ADAMTS8: variants seen among roughly 807,000 people sequenced by gnomAD.
ADAMTS8 encodes A disintegrin and metalloproteinase with thrombospondin motifs 8.
In ADAMTS8, 50 loss-of-function variants were observed where a neutral mutation model predicts 64.4. The ratio of observed to expected loss-of-function variants is 0.78; its 90% CI spans 0.62 to 0.98. The LOEUF is 0.98. Among genes scored for constraint, ADAMTS8 ranks in the 50% least tolerant of loss-of-function variants. The pLI, the probability that ADAMTS8 is intolerant of heterozygous loss-of-function variation, is 0.00. For synonymous variants in ADAMTS8, 556 were observed against 533.6 expected, an observed-to-expected ratio of 1.04 and a Z score of -0.58; for missense variants, 1,192 against 1,208.2, an observed-to-expected ratio of 0.99 and a Z score of 0.20.
At chr11:130,414,867 C>A (rs1393350148) in intron 4 of ADAMTS8, 35 bp from the exon 5 acceptor site, 1 of 1,548,650 alleles carries the variant, frequency 6.5e-7, no homozygotes, top group South Asian at 1.2e-5. Context: ...TAAGAACATG[C>A]ACAGGGCTGC....
chr11:130,426,381 G>A (rs548465544), intron 1 of ADAMTS8, among the ~76,000 whole-genome samples: 46 of 152,368 alleles, frequency 3.0e-4, no homozygotes, highest in African/African-American at 9.6e-4. Flanking sequence ...GGGGCCCCCA[G>A]CAGTCGGGCA....
At chr11:130,406,219 T>G (rs1592127080) in intron 8 of ADAMTS8, 91 bp from the exon 9 acceptor site, 1 of 1,457,592 alleles carries the variant, frequency 6.9e-7, no homozygotes, top group Non-Finnish European at 9.1e-7. Flanking sequence ...GCACCCCAGG[T>G]GGCAGACACG....
Position 130,427,847 on chromosome 11 carries a change from G to C in ADAMTS8, c.440C>G (p.Pro147Arg), listed in dbSNP as rs1448669717. The change falls in exon 1 of 9, where the codon CCG becomes CGG. Residue 147 changes from proline to arginine, a missense_variant. Physicochemically the swap from Pro to Arg is moderately radical, Grantham distance 103. Transcript: ENST00000257359. ...PQGAGGSLAQ[P>R]HRLQRWGPAG... ...GGGACCCCAGCGCTGCAGGCGGTGC[G>C]GCTGAGCCAGGGAGCCCCCCGCGCC... is the stretch of plus-strand genomic sequence containing the variant. The C allele has an allele frequency of 2.6e-6, 4 of 1,540,308 alleles. No homozygotes were observed. Among genetic ancestry groups the C allele is most frequent in the Non-Finnish European group, 3.5e-6 (4 of 1,146,998 alleles).
Position 130,419,267 on chromosome 11 carries a change from A to T in ADAMTS8, c.746T>A (p.Val249Glu). The change falls in exon 2 of 9, where the codon GTG becomes GAG. Residue 249 changes from valine (V) to glutamate (E), a missense_variant. By Grantham distance (121) the Val-to-Glu change is moderately radical (BLOSUM62 -2). Transcript: ENST00000257359. ...GGGGTGCTTGTAGATTCGGGCTGCC[A>T]CAGACATTAACGTCAGGATGTGGTT... The part of the protein sequence containing the change: ...LQNHILTLMS[V>E]AARIYKHPSI... The T allele has an allele frequency of 6.2e-7, 1 of 1,613,990 alleles. No homozygotes were observed. Among genetic ancestry groups the T allele is most frequent in the Non-Finnish European group, 8.5e-7 (1 of 1,180,048 alleles).
At position 130,416,984 on chromosome 11, in the gene ADAMTS8, TCGATCA is replaced by T. The variant is rs764491135; in HGVS notation, c.1046_1051del (p.Val349_Ile350del). On this transcript the variant is annotated inframe_deletion, in exon 3 of 9. Coordinates refer to ENST00000257359, the MANE Select transcript of ADAMTS8 (RefSeq NM_007037.6). This position sits in a 1 kb window ranked among gnomAD's most constrained non-coding sequence, Gnocchi z 4.8. ...GTGGGCCGCCTGGAGCCCCTCATCCTCGATCACGGAGCAGCTTTTGTTGGGGTCACA... is the reference window on the plus strand; with the variant it reads ...GTGGGCCGCCTGGAGCCCCTCATCCTCGGAGCAGCTTTTGTTGGGGTCACA... 5 of 1,613,986 alleles carry T rather than the reference TCGATCA, an allele frequency of 3.1e-6. No homozygotes were observed. In the Admixed American group the frequency reaches 6.7e-5, roughly 22 times the overall value.
Position 130,427,692 on chromosome 11 carries a change from T to C in ADAMTS8, c.595A>G (p.Ser199Gly), listed in dbSNP as rs1315821287. 6.3e-7 allele frequency: 1 copy of C among 1,595,552 alleles called. No homozygotes were observed. The highest frequency in any genetic ancestry group is 8.5e-7 in the Non-Finnish European group (1 of 1,172,500). ...GCCCCCAGGGGCGGTGGCGGCTCGC[T>C]AGCGCCTTCTGCCTCCTCTTCTTGG... ...ESQEEEAEGA[S>G]EPPPPLGATS... Residue 199 changes from serine (S) to glycine (G), a missense_variant, in exon 1 of 9, where the codon AGC (serine) becomes GGC (glycine). Physicochemically the swap from Ser to Gly is moderately conservative, Grantham distance 56. This residue lies in a region of ADAMTS8 where 741 missense variants were observed against 710.6 expected (regional missense o/e 1.04). Coordinates refer to ENST00000257359, the MANE Select transcript of ADAMTS8 (RefSeq NM_007037.6).
Position 130,414,822 on chromosome 11 carries a change from G to T in ADAMTS8, c.1275C>A (p.Leu425=). The change falls in exon 5 of 9, where the codon CTC becomes CTA. Residue 425 remains leucine, a synonymous_variant. Transcript: ENST00000257359. The part of the protein sequence containing the change: ...ELLDGGHGDC[L]LDAPAAALPL... The stretch of plus-strand genomic sequence containing the variant: ...GCAGGGCCGCAGCAGGGGCATCCAG[G>T]AGACAGTCTCCTGGGAAAAGAGGAA... 1 of 1,606,800 alleles carries T rather than the reference G, an allele frequency of 6.2e-7. No individual in the cohort carries two copies.
rs748478604 is a variant in ADAMTS8, at chr11:130,408,475, G to C, written c.2088C>G (p.Leu696=). The stretch of plus-strand genomic sequence containing the variant: ...CTGGGGAGACTCACTTGGTGGGGGT[G>C]AGGGACCCGGAGACCTTCCTGCAGG... The part of the protein sequence containing the change: ...GNSCRKVSGS[L]TPTNYGYNDI... The change falls in exon 8 of 9, where the codon CTC becomes CTG. Residue 696 remains leucine, a synonymous_variant. Coordinates refer to ENST00000257359, the MANE Select transcript of ADAMTS8 (RefSeq NM_007037.6). 1.9e-6 allele frequency: 3 copies of C among 1,613,640 alleles called. No homozygotes were observed. In the East Asian group the frequency reaches 6.7e-5, roughly 36 times the overall value.
rs1325277739 is a variant in ADAMTS8, at chr11:130,416,884, T to C, written c.1096+56A>G. 2 of 1,611,238 alleles carry C rather than the reference T, an allele frequency of 1.2e-6. No homozygotes were observed. The highest frequency in any genetic ancestry group is 2.2e-5 in the East Asian group (1 of 44,840). On this transcript the variant is annotated intron_variant, in intron 3 of 8. Transcript: ENST00000257359. The surrounding 1 kb of genome is among the most constrained non-coding windows in gnomAD (Gnocchi z 4.8). ...CTTAGGATCTACGCAACCTTGGATC[T>C]GGAAGAGCAGTTCCCTCCGATGTGG...
chr11:130,419,907 T>C (rs1862078568), intron 1 of ADAMTS8, among the ~76,000 whole-genome samples: 1 of 152,196 alleles, frequency 6.6e-6, no homozygotes, highest in African/African-American at 2.4e-5. Flanking sequence ...TTGTTAACAC[T>C]GAAAACTTTG....
chr11:130,421,928 A>G (rs1427958169), intron 1 of ADAMTS8, among the ~76,000 whole-genome samples: 1 of 152,214 alleles, frequency 6.6e-6, no homozygotes, highest in African/African-American at 2.4e-5. Flanking sequence ...AAGAATGTGA[A>G]CGGGGTCCTG....
chr11:130,428,416 T>G lies in ADAMTS8; in HGVS notation c.-130A>C. 5 of 1,081,418 alleles carry G rather than the reference T, an allele frequency of 4.6e-6. No individual in the cohort carries two copies. Among genetic ancestry groups the G allele is most frequent in the Non-Finnish European group, 5.6e-6 (5 of 891,532 alleles). The allele number at this position is 1,081,418 out of a possible 1,614,324, so 67.0% of individuals were successfully genotyped here. The stretch of plus-strand genomic sequence containing the variant: ...GGAATCAATCGGGTGCAAGGCCGAC[T>G]CGGCCCGCGGGGCCCGGCGGCGGGA... On this transcript the variant is annotated 5_prime_UTR_variant, in exon 1 of 9. Transcript: ENST00000257359.
chr11:130,419,068 G>C lies in ADAMTS8; in HGVS notation c.945C>G (p.Ile315Met), dbSNP rs1464266609. The C allele has an allele frequency of 6.2e-7, 1 of 1,614,160 alleles. No individual in the cohort carries two copies. Among genetic ancestry groups the C allele is most frequent in the South Asian group, 1.1e-5 (1 of 91,082 alleles). ...DRHPEHYDTA[I>M]LLTRQNFCGQ... ...AGGCACGGACCTGTCTGGTGAGCAG[G>C]ATGGCCGTGTCGTAGTGCTCTGGGT... Residue 315 changes from isoleucine (I) to methionine (M), a missense_variant, in exon 2 of 9, where the codon ATC (isoleucine) becomes ATG (methionine). This residue lies in a region of ADAMTS8 where 741 missense variants were observed against 710.6 expected (regional missense o/e 1.04). Transcript: ENST00000257359.
chr11:130,409,678 C>T (rs1034672802), intron 6 of ADAMTS8, among the ~76,000 whole-genome samples: 1 of 152,248 alleles, frequency 6.6e-6, no homozygotes, highest in African/African-American at 2.4e-5. Flanking sequence ...CCCAGGCCTG[C>T]TGGCTTCATG....
In ADAMTS8 at chr11:130,413,766, C is replaced by G. The variant is rs74671535; in HGVS notation, c.1566+765G>C. ...CCACAACTGCTCTCATTCTCCCAAC[C>G]TGTAATTATGCATTCAGTTCAAGCA... is the stretch of plus-strand genomic sequence containing the variant. On this transcript the variant is annotated intron_variant, in intron 5 of 8. Transcript: ENST00000257359. 3.3e-3 allele frequency among the ~76,000 whole-genome samples: 502 copies of G among 152,306 alleles called. 5 individuals carry two copies. Among genetic ancestry groups the G allele is most frequent in the African/African-American group, 0.011 (475 of 41,580 alleles).
At position 130,414,772 on chromosome 11, in the gene ADAMTS8, C is replaced by T. The variant is rs776541266; in HGVS notation, c.1325G>A (p.Arg442His). ...CTGGTCCAGCTGGTACAGGGCCATG[C>T]GGCCCGGGAGGCCTGTGGGGAGGGG... is the stretch of plus-strand genomic sequence containing the variant. Reference protein sequence around the residue: ...ALPLPTGLPGRMALYQLDQQC... With the variant: ...ALPLPTGLPGHMALYQLDQQC... The change falls in exon 5 of 9, where the codon CGC becomes CAC. Residue 442 changes from arginine to histidine, a missense_variant. By Grantham distance (29) the Arg-to-His change is conservative. Around this residue, in one of 5 missense-constraint regions of ADAMTS8, gnomAD observed 741 missense variants for 710.6 expected, o/e 1.04. Coordinates refer to ENST00000257359, the MANE Select transcript of ADAMTS8 (RefSeq NM_007037.6). The T allele has an allele frequency of 1.2e-5, 19 of 1,613,130 alleles. No individual in the cohort carries two copies. The highest frequency in any genetic ancestry group is 3.3e-5 in the Admixed American group (2 of 60,002).
chr11:130,420,740 C>T (rs568726907), intron 1 of ADAMTS8, among the ~76,000 whole-genome samples: 15 of 152,196 alleles, frequency 9.9e-5, no homozygotes, highest in Middle Eastern at 3.4e-3. Context: ...GGTTACTTGG[C>T]GTGTCAAGCA....
Position 130,411,026 on chromosome 11 carries a change from G to T in ADAMTS8, c.1750+391C>A, listed in dbSNP as rs925002164. 6.6e-6 allele frequency among the ~76,000 whole-genome samples: 1 copy of T among 152,134 alleles called. No individual in the cohort carries two copies. Among genetic ancestry groups the T allele is most frequent in the Admixed American group, 6.5e-5 (1 of 15,276 alleles). On this transcript the variant is annotated intron_variant, in intron 6 of 8. Coordinates refer to ENST00000257359, the MANE Select transcript of ADAMTS8 (RefSeq NM_007037.6). This position sits in a 1 kb window ranked among gnomAD's most constrained non-coding sequence, Gnocchi z 4.2. The stretch of plus-strand genomic sequence containing the variant: ...TGCTTCCATTCTGCACACAGATGAG[G>T]GTTCCTATGCCTCCAGGAGGATTAG...
rs1261519468 is a variant in ADAMTS8 at position 130,405,834 on chromosome 11, GA to G, written c.2393del (p.Phe798SerfsTer60). On this transcript the variant is annotated frameshift_variant, in exon 9 of 9. Transcript: ENST00000257359. LOFTEE classifies it low-confidence loss of function (END_TRUNC). ...VQLLTVPGEV[F>X]PPKVKYTFFV... ...AGAAGGTGTATTTGACTTTTGGGGG[GA>G]AGACCTCGCCAGGGACTGTCAGGAG... 3.1e-6 allele frequency: 5 copies of G among 1,613,932 alleles called. No individual in the cohort carries two copies. Among genetic ancestry groups the G allele is most frequent in the Non-Finnish European group, 4.2e-6 (5 of 1,180,058 alleles).
Sources: gnomAD v4.1 joint callset for allele counts (sites outside exome capture counted in the v4.1 genomes callset) on GRCh38, gnomAD v4.1.1 for gene constraint, gnomAD v4.1.1 regional missense constraint, Gnocchi (gnomAD v3.1) non-coding constraint, MANE v1.5 for transcripts, NCBI Gene and HGNC (gene_info 2026-07-23, HGNC 2026-07-21) for gene names.